MDGA2: variants seen among roughly 807,000 people sequenced by gnomAD.
MDGA2 encodes MAM domain containing glycosylphosphatidylinositol anchor 2, also known as MAM domain-containing glycosylphosphatidylinositol anchor protein 2.
In MDGA2, 40 loss-of-function variants were observed where a neutral mutation model predicts 117.8. The observed-to-expected ratio is 0.34, with a 90% CI of 0.26 to 0.44. The LOEUF (loss-of-function observed/expected upper bound fraction) is 0.44, where lower values mean the gene tolerates loss of function less well. Ranked by LOEUF, MDGA2 falls within the 20% of genes least tolerant of loss-of-function variation. The pLI is 1.00. For missense variants in MDGA2, 1,123 were observed against 1,250.6 expected, an observed-to-expected ratio of 0.90 and a Z score of 1.54; for synonymous variants, 452 against 439.0, an observed-to-expected ratio of 1.03 and a Z score of -0.37.
intron 3 of MDGA2, among the ~76,000 whole-genome samples, chr14:47,151,686 G>GT (rs550400709): frequency 1.3e-5 from 2 of 151,814 alleles, no homozygotes; most frequent in African/African-American, 4.8e-5. Context: ...TATTTTAAAA[G>GT]TGTATGATTT....
At chr14:47,058,263 T>C (rs1889755737) in intron 7 of MDGA2, among the ~76,000 whole-genome samples, 2 of 152,138 alleles carry the variant, frequency 1.3e-5, no homozygotes, top group Admixed American at 6.6e-5. Context: ...TCAGAAATTT[T>C]CAAAATGTTT....
chr14:47,588,142 T>C (rs1046395533), intron 1 of MDGA2, among the ~76,000 whole-genome samples: 4 of 150,962 alleles, frequency 2.6e-5, no homozygotes. Context: ...CATTTTGTTG[T>C]TTCTACATTT....
At chr14:47,184,380 A>AT (rs909659467) in intron 3 of MDGA2, among the ~76,000 whole-genome samples, 1 of 151,844 alleles carries the variant, frequency 6.6e-6, no homozygotes, top group Non-Finnish European at 1.5e-5. Flanking sequence ...ATTTTAGAAC[A>AT]TTTTTTTGTC....
At chr14:47,082,578 C>T (rs138469968) in intron 6 of MDGA2, among the ~76,000 whole-genome samples, 3 of 152,068 alleles carry the variant, frequency 2.0e-5, no homozygotes, top group Non-Finnish European at 4.4e-5. Flanking sequence ...TAAGACTGTA[C>T]TTTATCTATT....
intron 1 of MDGA2, among the ~76,000 whole-genome samples, chr14:47,628,171 C>A (rs1897185586): frequency 6.6e-6 from 1 of 152,200 alleles, no homozygotes; most frequent in Admixed American, 6.5e-5. Flanking sequence ...CATCACTTAT[C>A]TCCAGGTCTC....
chr14:47,661,527 C>T (rs1160724603), intron 1 of MDGA2, among the ~76,000 whole-genome samples: 3 of 152,074 alleles, frequency 2.0e-5, no homozygotes, highest in Non-Finnish European at 4.4e-5. Flanking sequence ...TATAGATATG[C>T]CTGGTGCACT....
intron 5 of MDGA2, 136 bp from the exon 6 acceptor site, chr14:47,097,259 C>T (rs906340611): frequency 2.4e-6 from 2 of 839,456 alleles, no homozygotes; most frequent in Non-Finnish European, 3.7e-6. Flanking sequence ...TACTGTATTA[C>T]TCAAATTTAA....
chr14:47,071,372 A>G (rs1209763576), intron 6 of MDGA2, among the ~76,000 whole-genome samples: 2 of 152,228 alleles, frequency 1.3e-5, no homozygotes, highest in Non-Finnish European at 2.9e-5. Context: ...GTTAATTAAA[A>G]GATGGCAGGG....
intron 3 of MDGA2, among the ~76,000 whole-genome samples, chr14:47,173,274 G>A (rs866315477): frequency 1.1e-3 from 168 of 152,062 alleles, no homozygotes; most frequent in African/African-American, 3.7e-3. Flanking sequence ...GCAGGCCAAC[G>A]TTCAGATTCA....
chr14:47,540,441 A>G (rs1243801924), intron 1 of MDGA2, among the ~76,000 whole-genome samples: 1 of 150,694 alleles, frequency 6.6e-6, no homozygotes, highest in Non-Finnish European at 1.5e-5. Context: ...AGCATTTATC[A>G]CCAACACACA....
At chr14:47,051,881 A>T (rs1007502574) in intron 7 of MDGA2, among the ~76,000 whole-genome samples, 2 of 151,902 alleles carry the variant, frequency 1.3e-5, no homozygotes, top group African/African-American at 4.8e-5. Flanking sequence ...CTGAAGTGTG[A>T]TCATAACTAC....
chr14:47,225,671 G>A (rs1439503579), intron 2 of MDGA2, among the ~76,000 whole-genome samples: 1 of 151,640 alleles, frequency 6.6e-6, no homozygotes, highest in East Asian at 1.9e-4. Context: ...GTGGGGTGGG[G>A]GGAGTGGGGA....
chr14:47,282,717 A>G (rs867749212), intron 2 of MDGA2, among the ~76,000 whole-genome samples: 1 of 148,164 alleles, frequency 6.7e-6, no homozygotes, highest in African/African-American at 2.4e-5. Context: ...ACAAAAAACA[A>G]AAAACAAAAA....
rs141542347 is a variant in MDGA2 at position 46,867,915 on chromosome 14, T to C, written c.2752+5518A>G. ...AATTCAAGTTAAGTCAATAATAAAC[T>C]TCATCTTCTGTCTGTTTTTTTTTTT... On this transcript the variant is annotated intron_variant, in intron 14 of 16. Transcript: ENST00000399232. Among the ~76,000 whole-genome samples, 416 of 93,102 alleles carry C rather than the reference T, an allele frequency of 4.5e-3. 2 individuals carry two copies. Among genetic ancestry groups the C allele is most frequent in the African/African-American group, 0.017 (400 of 24,194 alleles). 61.1% of individuals were successfully genotyped at this position (93,102 alleles called of 152,430 possible).
intron 1 of MDGA2, among the ~76,000 whole-genome samples, chr14:47,529,056 T>C (rs1241763187): frequency 1.3e-5 from 2 of 151,700 alleles, no homozygotes; most frequent in African/African-American, 2.4e-5. Flanking sequence ...TGGAGTGCAG[T>C]GGCACGATCT....
intron 2 of MDGA2, among the ~76,000 whole-genome samples, chr14:47,275,856 G>T (rs1888296177): frequency 6.6e-6 from 1 of 152,212 alleles, no homozygotes. Context: ...GTAATGTAAT[G>T]AGCCAAGGTC....
intron 10 of MDGA2, among the ~76,000 whole-genome samples, chr14:46,892,693 C>T (rs73252368): frequency 0.037 from 5,646 of 151,784 alleles, 360 homozygotes; most frequent in African/African-American, 0.13. Flanking sequence ...CAAAAATAAG[C>T]AAAAGACAAT....
intron 9 of MDGA2, among the ~76,000 whole-genome samples, chr14:46,926,469 C>T (rs897174032): frequency 6.6e-6 from 1 of 150,466 alleles, no homozygotes; most frequent in African/African-American, 2.4e-5. Context: ...GCTCTAGAAG[C>T]TAATACATAT....
intron 15 of MDGA2, among the ~76,000 whole-genome samples, chr14:46,854,699 G>A (rs1445280623): frequency 6.6e-6 from 1 of 151,544 alleles, no homozygotes; most frequent in Non-Finnish European, 1.5e-5. Flanking sequence ...CATTATTATA[G>A]AAACTTATAA....
Sources: gnomAD v4.1 joint callset for allele counts (sites outside exome capture counted in the v4.1 genomes callset) on GRCh38, gnomAD v4.1.1 for gene constraint, MANE v1.5 for transcripts, NCBI Gene and HGNC (gene_info 2026-07-23, HGNC 2026-07-21) for gene names.